The following CSTF3 variants were observed in gnomAD, a reference collection of about 807,000 sequenced individuals.
The protein encoded by CSTF3 is cleavage stimulation factor subunit 3, also known as CF-1 77 kDa subunit.
Under a neutral mutation model 105.8 loss-of-function variants are expected in CSTF3, and 29 were observed. The ratio of observed to expected loss-of-function variants is 0.27; its 90% CI spans 0.20 to 0.37. CSTF3 has a LOEUF of 0.37. Ranked by LOEUF, CSTF3 falls within the 10% of genes least tolerant of loss-of-function variation. The pLI, the probability that CSTF3 is intolerant of heterozygous loss-of-function variation, is 1.00. For synonymous variants in CSTF3, 252 were observed against 281.9 expected, an observed-to-expected ratio of 0.89 and a Z score of 1.06; for missense variants, 357 against 879.3, an observed-to-expected ratio of 0.41 and a Z score of 7.51.
intron 3 of CSTF3, among the ~76,000 whole-genome samples, chr11:33,133,846 A>C (rs1341470931): frequency 6.6e-6 from 1 of 152,212 alleles, no homozygotes; most frequent in Admixed American, 6.5e-5. Context: ...TCCACATTGA[A>C]GGAGACTAAG....
At chr11:33,140,518 T>C (rs1855699271) in intron 3 of CSTF3, among the ~76,000 whole-genome samples, 1 of 152,074 alleles carries the variant, frequency 6.6e-6, no homozygotes, top group Admixed American at 6.6e-5. Flanking sequence ...CAATCTAAAC[T>C]ATAGCACAAA....
intron 1 of CSTF3, among the ~76,000 whole-genome samples, chr11:33,142,763 C>A (rs754365797): frequency 1.3e-5 from 2 of 152,094 alleles, no homozygotes; most frequent in African/African-American, 2.4e-5. Flanking sequence ...ACTTAAAATT[C>A]AGTAATAAGA....
chr11:33,129,897 T>C (rs1023630735), intron 3 of CSTF3, among the ~76,000 whole-genome samples: 2 of 152,218 alleles, frequency 1.3e-5, no homozygotes, highest in East Asian at 3.8e-4. Context: ...AGTGGTTTAC[T>C]TACAATCAAC....
In CSTF3 at chr11:33,102,148, T is replaced by C. The variant is rs754899999; in HGVS notation, c.826+29A>G. 3.7e-6 allele frequency: 6 copies of C among 1,604,126 alleles called. No individual in the cohort carries two copies. The Admixed American group carries it at 8.4e-5, about 22-fold the overall frequency. On this transcript the variant is annotated intron_variant, in intron 10 of 20. Transcript: ENST00000323959. Reference sequence around the variant, plus strand: ...CCAAGTGGCCTAACATACATGTAACTGAAGTCCCATGAGGGTTAATCATGT... The same window carrying C: ...CCAAGTGGCCTAACATACATGTAACCGAAGTCCCATGAGGGTTAATCATGT...
intron 3 of CSTF3, among the ~76,000 whole-genome samples, chr11:33,114,914 T>A (rs150180659): frequency 3.5e-4 from 54 of 152,276 alleles, no homozygotes; most frequent in African/African-American, 1.3e-3. Context: ...AGAAGCTTTA[T>A]AATCTAAAGG....
intron 17 of CSTF3, among the ~76,000 whole-genome samples, chr11:33,087,854 T>G (rs1855122296): frequency 6.6e-6 from 1 of 152,172 alleles, no homozygotes; most frequent in Non-Finnish European, 1.5e-5. Flanking sequence ...ACAGTCTTCT[T>G]TTCAGTACAC....
At chr11:33,109,299 A>G (rs1421785613) in intron 3 of CSTF3, among the ~76,000 whole-genome samples, 1 of 152,228 alleles carries the variant, frequency 6.6e-6, no homozygotes, top group Non-Finnish European at 1.5e-5. Context: ...TTGGCTGATT[A>G]GAGAAGTTTT....
At chr11:33,116,393 A>G (rs1228472598) in intron 3 of CSTF3, among the ~76,000 whole-genome samples, 3 of 152,176 alleles carry the variant, frequency 2.0e-5, no homozygotes, top group East Asian at 3.8e-4. Flanking sequence ...TCTATGTCCT[A>G]TAAGATTCAG....
intron 17 of CSTF3, among the ~76,000 whole-genome samples, chr11:33,089,305 C>T (rs1290995399): frequency 2.0e-5 from 3 of 149,392 alleles, no homozygotes; most frequent in East Asian, 3.9e-4. Flanking sequence ...CATGATCTCA[C>T]CATTGCACTC....
Position 33,089,776 on chromosome 11 carries a change from T to C in CSTF3, c.1641+756A>G, listed in dbSNP as rs560346456. On this transcript the variant is annotated intron_variant, in intron 17 of 20. Coordinates refer to ENST00000323959, the MANE Select transcript of CSTF3 (RefSeq NM_001326.3). ...AGGAGAATGATGGTCAGGAACATCCTAATGGTGGTTGGCTTAAAGAGATCA... is the reference window on the plus strand; with the variant it reads ...AGGAGAATGATGGTCAGGAACATCCCAATGGTGGTTGGCTTAAAGAGATCA... Among the ~76,000 whole-genome samples the C allele has an allele frequency of 2.6e-5, 4 of 152,360 alleles. No homozygotes were observed. The South Asian group carries it at 8.3e-4, about 32-fold the overall frequency.
At chr11:33,119,234 GAT>G in intron 3 of CSTF3, among the ~76,000 whole-genome samples, 1 of 151,794 alleles carries the variant, frequency 6.6e-6, no homozygotes, top group Middle Eastern at 3.4e-3. Context: ...CTCTACTTGA[GAT>G]ATTCTAGTTC....
At chr11:33,088,853 A>T (rs1322001166) in intron 17 of CSTF3, among the ~76,000 whole-genome samples, 1 of 152,002 alleles carries the variant, frequency 6.6e-6, no homozygotes, top group Non-Finnish European at 1.5e-5. Flanking sequence ...TCCTGGGCTC[A>T]AGTGATCGCC....
At chr11:33,110,020 G>A (rs1455499917) in intron 3 of CSTF3, among the ~76,000 whole-genome samples, 1 of 152,220 alleles carries the variant, frequency 6.6e-6, no homozygotes, top group Non-Finnish European at 1.5e-5. Flanking sequence ...AGACTCCAGA[G>A]TTTTTAATAC....
chr11:33,108,520 G>C lies in CSTF3; in HGVS notation c.226-102C>G, dbSNP rs897354086. On this transcript the variant is annotated intron_variant, in intron 3 of 20. Coordinates refer to ENST00000323959, the MANE Select transcript of CSTF3 (RefSeq NM_001326.3). Reference sequence around the variant, plus strand: ...CCAACTTTGCAAATTCATCCCTATAGTTTCTTATTAATTTTTCTGTTACTT... The same window carrying C: ...CCAACTTTGCAAATTCATCCCTATACTTTCTTATTAATTTTTCTGTTACTT... 7.1e-6 allele frequency: 6 copies of C among 840,508 alleles called. No individual in the cohort carries two copies. The Admixed American group carries it at 1.4e-4, about 19-fold the overall frequency. The allele number at this position is 840,508 out of a possible 1,614,324, so 52.1% of individuals were successfully genotyped here.
In CSTF3 at chr11:33,154,853, A is replaced by C. The variant is rs552415661; in HGVS notation, c.27+6446T>G. On this transcript the variant is annotated intron_variant, in intron 1 of 20. Transcript: ENST00000323959. ...ATTCCATTCATATGCCCAGATAATAAAGAACTATATGTGACAGGTGTCACA... is the reference window on the plus strand; with the variant it reads ...ATTCCATTCATATGCCCAGATAATACAGAACTATATGTGACAGGTGTCACA... Among the ~76,000 whole-genome samples, 23 of 152,182 alleles carry C rather than the reference A, an allele frequency of 1.5e-4. No homozygotes were observed. In the South Asian group the frequency reaches 4.8e-3, roughly 32 times the overall value.
chr11:33,137,662 A>G (rs889473371), intron 3 of CSTF3, among the ~76,000 whole-genome samples: 11 of 151,834 alleles, frequency 7.2e-5, no homozygotes, highest in Non-Finnish European at 1.3e-4. Context: ...GAAACTAGAT[A>G]AAAAAGCATA....
At chr11:33,106,149 C>A (rs1855323292) in intron 5 of CSTF3, 85 bp from the exon 6 acceptor site, 9 of 993,274 alleles carry the variant, frequency 9.1e-6, no homozygotes, top group South Asian at 8.4e-5. Context: ...GTGGCTCATG[C>A]CTGTAATCCC....
intron 3 of CSTF3, among the ~76,000 whole-genome samples, chr11:33,128,535 A>G (rs1855567709): frequency 1.3e-5 from 2 of 152,164 alleles, no homozygotes; most frequent in South Asian, 2.1e-4. Flanking sequence ...ATTACAGCCA[A>G]CTTATTAACC....
At chr11:33,096,743 A>G in intron 14 of CSTF3, 92 bp downstream of exon 14, 1 of 1,261,242 alleles carries the variant, frequency 7.9e-7, no homozygotes. Context: ...GGAGCAATAA[A>G]AGCTTAATGA....
Sources: gnomAD v4.1 joint callset for allele counts (sites outside exome capture counted in the v4.1 genomes callset) on GRCh38, gnomAD v4.1.1 for gene constraint, MANE v1.5 for transcripts, NCBI Gene and HGNC (gene_info 2026-07-23, HGNC 2026-07-21) for gene names.